Variants in SEMA5A observed in about 807,000 individuals in gnomAD.
The protein encoded by SEMA5A is semaphorin-5A.
SEMA5A carries 55 observed loss-of-function variants against 135.5 expected under a neutral mutation model. The observed-to-expected ratio is 0.41, with a 90% CI of 0.33 to 0.51. The LOEUF (loss-of-function observed/expected upper bound fraction) is 0.51. SEMA5A is among the 20% of genes least tolerant of loss of function. SEMA5A has a pLI of 0.37. For missense variants in SEMA5A, 1,290 were observed against 1,419.9 expected (o/e 0.91, Z 1.47); for synonymous variants, 580 against 546.5 (o/e 1.06, Z -0.85).
At chr5:9,422,088 A>C (rs1205394599) in intron 2 of SEMA5A, among the ~76,000 whole-genome samples, 1 of 152,250 alleles carries the variant, frequency 6.6e-6, no homozygotes, top group Non-Finnish European at 1.5e-5. Flanking sequence ...AAGATAAAAC[A>C]TCCAGTGAAA....
chr5:9,294,602 G>T (rs1751242328), intron 5 of SEMA5A, among the ~76,000 whole-genome samples: 1 of 152,174 alleles, frequency 6.6e-6, no homozygotes, highest in African/African-American at 2.4e-5. Context: ...GATTTACTGA[G>T]CACTCTACTT....
intron 11 of SEMA5A, among the ~76,000 whole-genome samples, chr5:9,183,268 C>T (rs1490431826): frequency 6.6e-6 from 1 of 152,106 alleles, no homozygotes; most frequent in African/African-American, 2.4e-5. Context: ...TGGACAGCCG[C>T]CTGGAGGTGA....
intron 11 of SEMA5A, 45 bp from the exon 12 acceptor site, chr5:9,154,740 C>T: frequency 6.5e-7 from 1 of 1,531,438 alleles, no homozygotes; most frequent in Middle Eastern, 1.7e-4. Context: ...CAGAGGGTCT[C>T]ACAAACCAAT....
intron 5 of SEMA5A, among the ~76,000 whole-genome samples, chr5:9,312,511 T>C (rs1310690449): frequency 6.6e-6 from 1 of 152,172 alleles, no homozygotes; most frequent in Non-Finnish European, 1.5e-5. Context: ...CTTCTCTTAA[T>C]ATGTTAAGGC....
At chr5:9,108,809 T>C (rs969661424) in intron 15 of SEMA5A, among the ~76,000 whole-genome samples, 2 of 152,208 alleles carry the variant, frequency 1.3e-5, no homozygotes, top group Non-Finnish European at 2.9e-5. Context: ...CTGCTTAAGC[T>C]ATTCTACTTT....
intron 5 of SEMA5A, among the ~76,000 whole-genome samples, chr5:9,240,043 T>C (rs1748116436): frequency 6.6e-6 from 1 of 151,882 alleles, no homozygotes. Context: ...TGGCCAAAGA[T>C]TGAAAGGGAA....
intron 16 of SEMA5A, among the ~76,000 whole-genome samples, chr5:9,105,755 T>A (rs7711348): frequency 0.12 from 17,647 of 152,152 alleles, 1,580 homozygotes; most frequent in East Asian, 0.32. Context: ...TCACTTCATG[T>A]CTCAAAAATC....
At chr5:9,303,691 C>T (rs1457245129) in intron 5 of SEMA5A, among the ~76,000 whole-genome samples, 2 of 151,994 alleles carry the variant, frequency 1.3e-5, no homozygotes, top group Non-Finnish European at 1.5e-5. Context: ...TATATATGTA[C>T]AGAAGCATCA....
At chr5:9,265,205 C>T (rs1214608018) in intron 5 of SEMA5A, among the ~76,000 whole-genome samples, 1 of 152,098 alleles carries the variant, frequency 6.6e-6, no homozygotes, top group Non-Finnish European at 1.5e-5. Flanking sequence ...CGGTCGTGTG[C>T]TAGCTCAGCA....
Position 9,353,098 on chromosome 5 carries a change from G to GAAAGGAAAGGGAAAGGAAAGGA in SEMA5A, c.125-15287_125-15286insTCCTTTCCTTTCCCTTTCCTTT, listed in dbSNP as rs1378151075. On this transcript the variant is annotated intron_variant, in intron 3 of 22. Coordinates refer to ENST00000382496, the MANE Select transcript of SEMA5A (RefSeq NM_003966.3). ...GGAAAGGAAAGGAAAGGAAAGGAAG[G>GAAAGGAAAGGGAAAGGAAAGGA]AAGGAAAGGAAAGGAAAGGAAAGGA... Among the ~76,000 whole-genome samples, 24 of 21,792 alleles carry GAAAGGAAAGGGAAAGGAAAGGA rather than the reference G, an allele frequency of 1.1e-3. 6 individuals are homozygous for GAAAGGAAAGGGAAAGGAAAGGA. Among genetic ancestry groups the GAAAGGAAAGGGAAAGGAAAGGA allele is most frequent in the African/African-American group, 4.5e-3 (18 of 3,980 alleles). 14.3% of individuals were successfully genotyped at this position (21,792 alleles called of 152,430 possible). A position where few individuals can be genotyped will look rare whatever the true frequency, so the allele number is the denominator to read the frequency against.
intron 1 of SEMA5A, among the ~76,000 whole-genome samples, chr5:9,479,977 T>G (rs550091550): frequency 1.3e-5 from 2 of 152,344 alleles, no homozygotes; most frequent in Admixed American, 6.5e-5. Flanking sequence ...AGAAATCCTC[T>G]GATAAATGTT....
intron 5 of SEMA5A, among the ~76,000 whole-genome samples, chr5:9,259,331 T>A (rs199828016): frequency 3.9e-5 from 6 of 152,198 alleles, no homozygotes; most frequent in African/African-American, 1.4e-4. Flanking sequence ...GATTTAAAAA[T>A]AAAATTTTAG....
intron 12 of SEMA5A, among the ~76,000 whole-genome samples, chr5:9,151,612 C>G (rs1300769653): frequency 6.6e-6 from 1 of 151,962 alleles, no homozygotes; most frequent in Admixed American, 6.5e-5. Context: ...GGAGGGTTTC[C>G]TATCTTTCTA....
rs1453998014 is a variant in SEMA5A at position 9,042,064 on chromosome 5, G to C, written c.*833C>G. The C allele has an allele frequency of 6.6e-6, 1 of 152,154 alleles. No individual in the cohort carries two copies. Among genetic ancestry groups the C allele is most frequent in the Non-Finnish European group, 1.5e-5 (1 of 68,028 alleles). The allele number at this position is 152,154 out of a possible 1,614,324, so 9.4% of individuals were successfully genotyped here. A position where few individuals can be genotyped will look rare whatever the true frequency, so the allele number is the denominator to read the frequency against. On this transcript the variant is annotated 3_prime_UTR_variant, in exon 23 of 23. Transcript: ENST00000382496. ...TAAGTGGTTGGTTATTTTACAGACT[G>C]GCTCTTCAGGACGTCACTATGGACC...
rs542057485 is a variant in SEMA5A at position 9,051,739 on chromosome 5, C to G, written c.2845+134G>C. Reference sequence around the variant, plus strand: ...ATCTATAGACCTACGTTTTAAACACCTTGAAACCATGGGGCTTGATGGAAT... The same window carrying G: ...ATCTATAGACCTACGTTTTAAACACGTTGAAACCATGGGGCTTGATGGAAT... On this transcript the variant is annotated intron_variant, in intron 20 of 22. Coordinates refer to ENST00000382496, the MANE Select transcript of SEMA5A (RefSeq NM_003966.3). The G allele has an allele frequency of 3.1e-4, 339 of 1,104,082 alleles. 4 individuals are homozygous for G. In the South Asian group the frequency reaches 4.9e-3, roughly 16 times the overall value. 68.4% of individuals were successfully genotyped at this position (1,104,082 alleles called of 1,614,324 possible).
intron 16 of SEMA5A, among the ~76,000 whole-genome samples, chr5:9,070,294 C>T (rs1737704577): frequency 6.6e-6 from 1 of 152,256 alleles, no homozygotes. Context: ...TTGCTTGAAT[C>T]TGGGAGGCGG....
intron 18 of SEMA5A, among the ~76,000 whole-genome samples, chr5:9,058,839 G>A (rs1362970328): frequency 6.6e-6 from 1 of 152,210 alleles, no homozygotes; most frequent in African/African-American, 2.4e-5. Context: ...CTGCAGGACA[G>A]CTGTGCTCTC....
At chr5:9,143,875 G>T (rs1742192007) in intron 12 of SEMA5A, among the ~76,000 whole-genome samples, 1 of 152,032 alleles carries the variant, frequency 6.6e-6, no homozygotes, top group African/African-American at 2.4e-5. Context: ...TTCTAGAAAG[G>T]CCAAGACTGC....
chr5:9,312,112 T>A (rs553496448), intron 5 of SEMA5A, among the ~76,000 whole-genome samples: 71 of 152,284 alleles, frequency 4.7e-4, no homozygotes, highest in African/African-American at 1.7e-3. Context: ...GGATCCCAGA[T>A]GGGCAAATGC....
Sources: allele counts gnomAD v4.1 joint callset (sites outside exome capture counted in the v4.1 genomes callset), GRCh38; gene constraint gnomAD v4.1.1; transcripts MANE v1.5; gene names NCBI Gene and HGNC (gene_info 2026-07-23, HGNC 2026-07-21).